GAA: variants seen among roughly 807,000 people sequenced by gnomAD.
GAA encodes alpha glucosidase, also known as lysosomal alpha-glucosidase.
A neutral mutation model predicts 103.9 loss-of-function variants in GAA; 88 were observed. The observed-to-expected ratio is 0.85, with a 90% confidence interval of 0.71 to 1.01. GAA has a LOEUF of 1.01. GAA is among the 50% of genes least tolerant of loss of function. GAA has a pLI of 0.00. For missense variants in GAA, 1,350 were observed against 1,305.3 expected, an observed-to-expected ratio of 1.03 and a Z score of -0.53; for synonymous variants, 572 against 563.1, an observed-to-expected ratio of 1.02 and a Z score of -0.22.
chr17:80,117,479 C>A, intron 16 of GAA, 121 bp from the exon 17 acceptor site: 3 of 1,180,588 alleles, frequency 2.5e-6, no homozygotes, highest in South Asian at 1.2e-5. Flanking sequence ...CAGTTCAGCC[C>A]GTCTGTGCCA....
At position 80,101,624 on chromosome 17, in the gene GAA, A is replaced by C. The variant is rs2038949980; in HGVS notation, c.-299A>C. 6.6e-6 allele frequency: 1 copy of C among 150,500 alleles called. No individual in the cohort carries two copies. Among genetic ancestry groups the C allele is most frequent in the South Asian group, 2.1e-4 (1 of 4,784 alleles). 9.3% of individuals were successfully genotyped at this position (150,500 alleles called of 1,614,324 possible). The stretch of plus-strand genomic sequence containing the variant: ...GGGCGGCCAGGGCGCGCGTGCGCGG[A>C]GGTGAGCCGGGCCGGGGCTGCGGGG... On this transcript the variant is annotated 5_prime_UTR_variant, in exon 1 of 20. Transcript: ENST00000302262.
rs778684794 is a variant in GAA at position 80,118,641 on chromosome 17, TGCTCG to T, written c.2647-9_2647-5del. ...CATTCTCTGCCTTTTCATCTCTCTCTGCTCGGCCCAGAACACGATCGTGAATGAGC... is the reference window on the plus strand; with the variant it reads ...CATTCTCTGCCTTTTCATCTCTCTCTGCCCAGAACACGATCGTGAATGAGC... On this transcript the variant is annotated splice_polypyrimidine_tract_variant and splice_region_variant and intron_variant, in intron 18 of 19. Transcript: ENST00000302262. 1 of 1,611,610 alleles carries T rather than the reference TGCTCG, an allele frequency of 6.2e-7. No individual in the cohort carries two copies. Among genetic ancestry groups the T allele is most frequent in the Admixed American group, 1.7e-5 (1 of 60,024 alleles).
At chr17:80,109,504 C>T (rs1324712621) in intron 8 of GAA, among the ~76,000 whole-genome samples, 1 of 152,228 alleles carries the variant, frequency 6.6e-6, no homozygotes, top group African/African-American at 2.4e-5. Flanking sequence ...CCGGAAGATC[C>T]ACTTCAGCAG....
At chr17:80,115,524 T>C (rs2039338636) in intron 15 of GAA, among the ~76,000 whole-genome samples, 1 of 152,242 alleles carries the variant, frequency 6.6e-6, no homozygotes, top group African/African-American at 2.4e-5. Flanking sequence ...TTTGAACACA[T>C]TTAAAGTAGC....
chr17:80,119,168 G>A (rs1008263414), intron 19 of GAA, 104 bp from the exon 20 acceptor site: 57 of 1,167,132 alleles, frequency 4.9e-5, no homozygotes, highest in Non-Finnish European at 6.5e-5. Flanking sequence ...GCCGGGCCTC[G>A]CTGCTGCTGG....
intron 15 of GAA, among the ~76,000 whole-genome samples, chr17:80,115,343 C>G (rs1337517520): frequency 6.6e-6 from 1 of 152,110 alleles, no homozygotes; most frequent in East Asian, 1.9e-4. Context: ...TCCACCAGTT[C>G]TCATCTGCTG....
At chr17:80,105,224 G>C in intron 2 of GAA, 92 bp downstream of exon 2, 1 of 1,274,750 alleles carries the variant, frequency 7.8e-7, no homozygotes, top group Non-Finnish European at 1.1e-6. Context: ...GGTGCATGTT[G>C]CACCACTGTG....
At position 80,107,608 on chromosome 17, in the gene GAA, G is replaced by C. The variant is rs768328783; in HGVS notation, c.744G>C (p.Leu248=). 1.2e-6 allele frequency: 2 copies of C among 1,613,236 alleles called. No homozygotes were observed. The highest frequency in any genetic ancestry group is 1.7e-6 in the Non-Finnish European group (2 of 1,179,910). The change falls in exon 4 of 20, where the codon CTG becomes CTC. Residue 248 remains leucine (L), a synonymous_variant. Coordinates refer to ENST00000302262, the MANE Select transcript of GAA (RefSeq NM_000152.5). The stretch of plus-strand genomic sequence containing the variant: ...TCTTTGCGGACCAGTTCCTTCAGCT[G>C]TCCACCTCGCTGCCCTCGCAGTATA... ...PLFFADQFLQ[L]STSLPSQYIT...
Position 80,112,677 on chromosome 17 carries a change from G to C in GAA, c.1854G>C (p.Trp618Cys). The C allele has an allele frequency of 6.2e-7, 1 of 1,611,340 alleles. No homozygotes were observed. Among genetic ancestry groups the C allele is most frequent in the Non-Finnish European group, 8.5e-7 (1 of 1,179,386 alleles). The change falls in exon 13 of 20, where the codon TGG becomes TGC. Residue 618 changes from tryptophan to cysteine, a missense_variant. Transcript: ENST00000302262. Reference sequence around the variant, plus strand: ...CCGGCCACTGGACGGGGGACGTGTGGAGCTCCTGGGAGCAGCTCGCCTCCT... The same window carrying C: ...CCGGCCACTGGACGGGGGACGTGTGCAGCTCCTGGGAGCAGCTCGCCTCCT... ...RYAGHWTGDVWSSWEQLASSV... is the reference protein window; with the variant it reads ...RYAGHWTGDVCSSWEQLASSV...
chr17:80,107,969 C>T, intron 5 of GAA, 73 bp downstream of exon 5: 1 of 1,397,936 alleles, frequency 7.2e-7, no homozygotes, highest in African/African-American at 1.4e-5. Context: ...TGGAGGTCCG[C>T]ATGAGGGGCC....
intron 17 of GAA, 118 bp downstream of exon 17, chr17:80,117,867 A>T: frequency 9.2e-7 from 1 of 1,081,474 alleles, no homozygotes; most frequent in Non-Finnish European, 1.3e-6. Flanking sequence ...CGCCCCCCGC[A>T]GTGTAGGTTA....
intron 15 of GAA, among the ~76,000 whole-genome samples, chr17:80,115,306 C>T (rs1393067049): frequency 6.6e-6 from 1 of 152,136 alleles, no homozygotes; most frequent in Non-Finnish European, 1.5e-5. Flanking sequence ...TCTGACTGCC[C>T]TGTCTTCAAG....
intron 3 of GAA, among the ~76,000 whole-genome samples, chr17:80,106,322 A>G (rs1469020337): frequency 4.4e-5 from 4 of 91,936 alleles, no homozygotes; most frequent in Non-Finnish European, 7.8e-5. Flanking sequence ...GCCATAAGCA[A>G]GTCCATGCAG....
chr17:80,117,982 G>T (rs1341739187), intron 17 of GAA, among the ~76,000 whole-genome samples: 1 of 152,222 alleles, frequency 6.6e-6, no homozygotes, highest in Non-Finnish European at 1.5e-5. Flanking sequence ...GGTTCTGCCG[G>T]GCCCGGCCTC....
Position 80,108,682 on chromosome 17 carries a change from G to T in GAA, c.1195-15G>T. On this transcript the variant is annotated splice_polypyrimidine_tract_variant and intron_variant, in intron 7 of 19. Transcript: ENST00000302262. The stretch of plus-strand genomic sequence containing the variant: ...TCCTCAGGCCCCAGCAGACGGTCCC[G>T]TGTTGTGGCTGCAGGACGTCCAGTG... 1.2e-6 allele frequency: 2 copies of T among 1,612,868 alleles called. No homozygotes were observed. Among genetic ancestry groups the T allele is most frequent in the Non-Finnish European group, 1.7e-6 (2 of 1,179,992 alleles).
intron 12 of GAA, 36 bp downstream of exon 12, chr17:80,112,136 T>C (rs1382698044): frequency 6.3e-7 from 1 of 1,576,782 alleles, no homozygotes; most frequent in Non-Finnish European, 8.7e-7. Flanking sequence ...GGCTCTGCCC[T>C]CACAGCCTGT....
At chr17:80,110,674 A>G in intron 9 of GAA, 53 bp from the exon 10 acceptor site, 2 of 1,510,288 alleles carry the variant, frequency 1.3e-6, no homozygotes, top group African/African-American at 1.4e-5. Flanking sequence ...TGGGGCTTCC[A>G]TGCAGGCCCT....
At chr17:80,118,492 G>C in intron 18 of GAA, 135 bp downstream of exon 18, 1 of 1,415,568 alleles carries the variant, frequency 7.1e-7, no homozygotes, top group South Asian at 1.2e-5. Context: ...TGGGGTCCTA[G>C]AGTGAGCAGT....
rs762310752 is a variant in GAA at position 80,117,615 on chromosome 17, C to T, written c.2347C>T (p.Leu783Phe). Reference protein sequence around the residue: ...YDLQTVPVEALGSLPPPPAAP... With the variant: ...YDLQTVPVEAFGSLPPPPAAP... ...CTCCCTCCAGGTGCCAGTAGAGGCC[C>T]TTGGCAGCCTCCCACCCCCACCTGC... is the stretch of plus-strand genomic sequence containing the variant. Residue 783 changes from leucine to phenylalanine, a missense_variant, in exon 17 of 20, where the codon CTT (leucine) becomes TTT (phenylalanine). Leu to Phe is a conservative substitution (Grantham distance 22). Coordinates refer to ENST00000302262, the MANE Select transcript of GAA (RefSeq NM_000152.5). 6.2e-7 allele frequency: 1 copy of T among 1,612,866 alleles called. No homozygotes were observed. Among genetic ancestry groups the T allele is most frequent in the East Asian group, 2.2e-5 (1 of 44,870 alleles).
Sources: gnomAD v4.1 joint callset for allele counts (sites outside exome capture counted in the v4.1 genomes callset) on GRCh38, gnomAD v4.1.1 for gene constraint, MANE v1.5 for transcripts, NCBI Gene and HGNC (gene_info 2026-07-23, HGNC 2026-07-21) for gene names.